The following EAF2 variants were observed in gnomAD, a reference collection of about 807,000 sequenced individuals.
The protein encoded by EAF2 is ELL-associated factor 2.
EAF2 carries 29 observed loss-of-function variants against 29.4 expected under a neutral mutation model. The ratio of observed to expected loss-of-function variants is 0.99; its 90% CI spans 0.73 to 1.35. The LOEUF is 1.35. Among genes scored for constraint, EAF2 ranks in the 40% most tolerant of loss-of-function variants. The pLI, the probability that EAF2 is intolerant of heterozygous loss-of-function variation, is 0.00. For missense variants in EAF2, 292 were observed against 312.0 expected (o/e 0.94, Z 0.48); for synonymous variants, 103 against 102.5 (o/e 1.00, Z -0.03).
Position 121,841,513 on chromosome 3 carries a change from A to G in EAF2, c.107-2940A>G, listed in dbSNP as rs1462896739. On this transcript the variant is annotated intron_variant, in intron 1 of 5. Transcript: ENST00000273668. Reference sequence around the variant, plus strand: ...GAGGGAGACCCTGTCTCAAAAAAAAAAAAAAAAAAAAAAAAAAAAAAAAAA... The same window carrying G: ...GAGGGAGACCCTGTCTCAAAAAAAAGAAAAAAAAAAAAAAAAAAAAAAAAA... 5.5e-5 allele frequency among the ~76,000 whole-genome samples: 2 copies of G among 36,486 alleles called. 1 individual carries two copies. Among genetic ancestry groups the G allele is most frequent in the Non-Finnish European group, 9.5e-5 (2 of 21,158 alleles). 23.9% of individuals were successfully genotyped at this position (36,486 alleles called of 152,430 possible).
At chr3:121,860,354 A>G (rs1428684057) in intron 4 of EAF2, among the ~76,000 whole-genome samples, 2 of 152,010 alleles carry the variant, frequency 1.3e-5, no homozygotes, top group Non-Finnish European at 2.9e-5. Context: ...CAGAGCCTGT[A>G]TTGGTCTATT....
chr3:121,872,960 CCTT>C (rs775614885), intron 5 of EAF2, 172 bp downstream of exon 5: 12 of 1,056,136 alleles, frequency 1.1e-5, no homozygotes, highest in African/African-American at 1.6e-5. Flanking sequence ...TGACATAATG[CCTT>C]CTTGGTTTTT....
At chr3:121,865,027 A>C (rs1301689646) in intron 4 of EAF2, among the ~76,000 whole-genome samples, 1 of 152,188 alleles carries the variant, frequency 6.6e-6, no homozygotes, top group Non-Finnish European at 1.5e-5. Flanking sequence ...ATAATTTTAC[A>C]GTACAAGTAG....
chr3:121,855,926 T>C (rs1173044821), intron 3 of EAF2, among the ~76,000 whole-genome samples: 1 of 152,184 alleles, frequency 6.6e-6, no homozygotes, highest in Non-Finnish European at 1.5e-5. Context: ...AAAACATTAA[T>C]TCAGTAGAGA....
chr3:121,852,734 GTCA>G (rs1708655161), intron 2 of EAF2, among the ~76,000 whole-genome samples: 1 of 151,908 alleles, frequency 6.6e-6, no homozygotes, highest in Non-Finnish European at 1.5e-5. Flanking sequence ...CTTTTTAGAG[GTCA>G]TCCTTTTCTA....
intron 3 of EAF2, among the ~76,000 whole-genome samples, chr3:121,855,089 G>A (rs1708696711): frequency 1.3e-5 from 2 of 152,032 alleles, no homozygotes; most frequent in South Asian, 4.1e-4. Context: ...AGATACTTCT[G>A]TATAACTGGA....
chr3:121,873,173 T>C (rs1709046776), intron 5 of EAF2: 1 of 605,306 alleles, frequency 1.7e-6, no homozygotes, highest in Admixed American at 3.1e-5. Context: ...CAAATTTATA[T>C]CTCTGATTCA....
chr3:121,837,180 G>A (rs946001032), intron 1 of EAF2, among the ~76,000 whole-genome samples: 1 of 152,166 alleles, frequency 6.6e-6, no homozygotes, highest in Non-Finnish European at 1.5e-5. Flanking sequence ...TTTTATTGTT[G>A]TTGTTGAAGC....
intron 2 of EAF2, among the ~76,000 whole-genome samples, chr3:121,852,529 T>C (rs1186705758): frequency 6.6e-6 from 1 of 152,220 alleles, no homozygotes; most frequent in Non-Finnish European, 1.5e-5. Flanking sequence ...ATTACTTTAG[T>C]CTTTGGGAGA....
At position 121,837,135 on chromosome 3, in the gene EAF2, C is replaced by T. The variant is rs1202272805; in HGVS notation, c.106+1744C>T. 2.0e-5 allele frequency among the ~76,000 whole-genome samples: 3 copies of T among 152,248 alleles called. No homozygotes were observed. In the East Asian group the frequency reaches 5.8e-4, roughly 29 times the overall value. On this transcript the variant is annotated intron_variant, in intron 1 of 5. Transcript: ENST00000273668. Reference sequence around the variant, plus strand: ...AATACACACTTAGTCCTGTGGAAGACAGAACTATTAGAAAAGTTTTCAGTC... The same window carrying T: ...AATACACACTTAGTCCTGTGGAAGATAGAACTATTAGAAAAGTTTTCAGTC...
rs202181046 is a variant in EAF2, at chr3:121,872,576, G to A, written c.524G>A (p.Ser175Asn). Residue 175 changes from serine (S) to asparagine (N), a missense_variant, in exon 5 of 6, where the codon AGT (serine) becomes AAT (asparagine). Physicochemically the swap from Ser to Asn is conservative, Grantham distance 46 (BLOSUM62 1). Coordinates refer to ENST00000273668, the MANE Select transcript of EAF2 (RefSeq NM_018456.6). The part of the protein sequence containing the change: ...AEASLMDQMS[S>N]CDSSSDSKSS... The stretch of plus-strand genomic sequence containing the variant: ...GCTAGTCTAATGGACCAGATGAGTA[G>A]TTGTGATAGTTCATCAGATTCCAAA... 2 of 1,612,462 alleles carry A rather than the reference G, an allele frequency of 1.2e-6. No individual in the cohort carries two copies. The highest frequency in any genetic ancestry group is 2.7e-5 in the African/African-American group (2 of 74,970).
chr3:121,855,792 T>C (rs968469904), intron 3 of EAF2, among the ~76,000 whole-genome samples: 31 of 152,242 alleles, frequency 2.0e-4, no homozygotes, highest in Non-Finnish European at 4.6e-4. Flanking sequence ...GGTAAGGTTG[T>C]AATTTTGTTG....
At chr3:121,870,750 T>C (rs75820609) in intron 4 of EAF2, among the ~76,000 whole-genome samples, 22,181 of 152,042 alleles carry the variant, frequency 0.15, 2,012 homozygotes, top group African/African-American at 0.25. Context: ...ACAAAAGATT[T>C]GAACAGGCTT....
chr3:121,861,327 G>C (rs1476790293), intron 4 of EAF2, among the ~76,000 whole-genome samples: 2 of 152,100 alleles, frequency 1.3e-5, no homozygotes, highest in African/African-American at 4.8e-5. Context: ...ATGTCTCTAA[G>C]GACTTGCTTT....
chr3:121,840,488 T>TAAAAAAAAAAAAAAAAAAAAAAAAAA (rs1221757062), intron 1 of EAF2, among the ~76,000 whole-genome samples: 1 of 35,012 alleles, frequency 2.9e-5, no homozygotes, highest in Non-Finnish European at 4.7e-5. Flanking sequence ...AGACTTCGTC[T>TAAAAAAAAAAAAAAAAAAAAAAAAAA]AAAAAAAAAA....
At chr3:121,857,177 A>G in intron 4 of EAF2, 21 bp downstream of exon 4, 2 of 1,594,414 alleles carry the variant, frequency 1.3e-6, no homozygotes, top group Non-Finnish European at 1.7e-6. Context: ...AGTATATGTA[A>G]CATCCCTTTA....
At chr3:121,840,543 C>A (rs1162812496) in intron 1 of EAF2, among the ~76,000 whole-genome samples, 1 of 141,562 alleles carries the variant, frequency 7.1e-6, no homozygotes, top group Non-Finnish European at 1.5e-5. Context: ...CGGTGGCTCA[C>A]GCCTGTAATC....
intron 5 of EAF2, among the ~76,000 whole-genome samples, chr3:121,879,436 G>C (rs1709154641): frequency 6.6e-6 from 1 of 151,856 alleles, no homozygotes; most frequent in African/African-American, 2.4e-5. Context: ...GTGTTTTCAG[G>C]TCTTACATAC....
At chr3:121,840,515 A>AAAAAAAAAAAAAAAAAAAAAAAC (rs1167466790) in intron 1 of EAF2, among the ~76,000 whole-genome samples, 1 of 97,956 alleles carries the variant, frequency 1.0e-5, no homozygotes, top group Admixed American at 1.3e-4. Context: ...AAAAGAAAAA[A>AAAAAAAAAAAAAAAAAAAAAAAC]AAAAAACGGG....
Sources: allele counts gnomAD v4.1 joint callset (sites outside exome capture counted in the v4.1 genomes callset), GRCh38; gene constraint gnomAD v4.1.1; transcripts MANE v1.5; gene names NCBI Gene and HGNC (gene_info 2026-07-23, HGNC 2026-07-21).